The following SPIDR variants were observed in gnomAD, a reference collection of about 807,000 sequenced individuals.
SPIDR encodes the protein DNA repair-scaffolding protein.
In SPIDR, 93 loss-of-function variants were observed where a neutral mutation model predicts 104.6. The ratio of observed to expected loss-of-function variants is 0.89; its 90% CI spans 0.75 to 1.06. SPIDR has a LOEUF of 1.06. SPIDR is among the 50% of genes least tolerant of loss of function. The pLI, the probability that SPIDR is intolerant of heterozygous loss-of-function variation, is 0.00. For synonymous variants in SPIDR, 431 were observed against 416.9 expected (o/e 1.03, Z -0.41); for missense variants, 1,154 against 1,111.2 (o/e 1.04, Z -0.55).
At chr8:47,405,130 C>T (rs1047529884) in intron 6 of SPIDR, among the ~76,000 whole-genome samples, 1 of 151,970 alleles carries the variant, frequency 6.6e-6, no homozygotes, top group Non-Finnish European at 1.5e-5. Context: ...CGCATGTTCT[C>T]ACTCATATGT....
At chr8:47,678,974 C>A (rs766157256) in intron 11 of SPIDR, among the ~76,000 whole-genome samples, 2 of 152,150 alleles carry the variant, frequency 1.3e-5, no homozygotes, top group Non-Finnish European at 2.9e-5. Flanking sequence ...AGCCCACTGC[C>A]CTGCTAGCCT....
At chr8:47,343,283 CT>C (rs1554615193) in intron 5 of SPIDR, among the ~76,000 whole-genome samples, 1 of 152,072 alleles carries the variant, frequency 6.6e-6, no homozygotes, top group Non-Finnish European at 1.5e-5. Flanking sequence ...GAAAGCTGGA[CT>C]TTTGTGTTAG....
intron 8 of SPIDR, among the ~76,000 whole-genome samples, chr8:47,545,537 A>G (rs1229818840): frequency 6.6e-6 from 1 of 151,936 alleles, no homozygotes; most frequent in Non-Finnish European, 1.5e-5. Flanking sequence ...TTTTTTGTAG[A>G]TTCTTTCATA....
chr8:47,480,481 A>G (rs1412585236), intron 8 of SPIDR, among the ~76,000 whole-genome samples: 3 of 152,234 alleles, frequency 2.0e-5, no homozygotes, highest in Admixed American at 2.0e-4. Context: ...TCTGTACTTG[A>G]AACTTTCCAG....
intron 8 of SPIDR, among the ~76,000 whole-genome samples, chr8:47,586,086 A>C (rs1164978606): frequency 2.0e-5 from 3 of 152,226 alleles, no homozygotes; most frequent in Non-Finnish European, 4.4e-5. Flanking sequence ...TTTATTGCTG[A>C]ATAGTATTCC....
intron 11 of SPIDR, among the ~76,000 whole-genome samples, chr8:47,676,483 T>C (rs1346848238): frequency 6.6e-6 from 1 of 151,974 alleles, no homozygotes; most frequent in Non-Finnish European, 1.5e-5. Flanking sequence ...AGTGACATCA[T>C]CCATCCATGG....
At chr8:47,516,772 C>T (rs1352366693) in intron 8 of SPIDR, among the ~76,000 whole-genome samples, 1 of 151,998 alleles carries the variant, frequency 6.6e-6, no homozygotes, top group Non-Finnish European at 1.5e-5. Flanking sequence ...AGTTTCTGCT[C>T]TCAATTTTTT....
chr8:47,530,971 C>T (rs980594489), intron 8 of SPIDR, among the ~76,000 whole-genome samples: 1 of 151,610 alleles, frequency 6.6e-6, no homozygotes, highest in Non-Finnish European at 1.5e-5. Context: ...AGTGCAGTGG[C>T]GCAGTCATGG....
At chr8:47,589,528 AC>A (rs2060737251) in intron 8 of SPIDR, among the ~76,000 whole-genome samples, 1 of 151,234 alleles carries the variant, frequency 6.6e-6, no homozygotes, top group African/African-American at 2.5e-5. Flanking sequence ...CCATCTCAAA[AC>A]AAAAAAAAAA....
At chr8:47,658,608 T>C (rs1170163520) in intron 10 of SPIDR, among the ~76,000 whole-genome samples, 3 of 151,570 alleles carry the variant, frequency 2.0e-5, no homozygotes, top group Admixed American at 6.6e-5. Context: ...GCACAATGTT[T>C]TTCTACAATA....
intron 8 of SPIDR, among the ~76,000 whole-genome samples, chr8:47,479,121 G>A (rs1441085492): frequency 1.3e-5 from 2 of 152,282 alleles, no homozygotes; most frequent in East Asian, 3.9e-4. Context: ...AACACTGAGA[G>A]ACTGAGGCAG....
intron 1 of SPIDR, among the ~76,000 whole-genome samples, chr8:47,277,364 T>C (rs2036711260): frequency 7.7e-6 from 1 of 130,422 alleles, no homozygotes; most frequent in Non-Finnish European, 1.7e-5. Context: ...TGTTATGTTA[T>C]GTTATGTTAT....
chr8:47,591,680 G>A (rs558812410), intron 8 of SPIDR, among the ~76,000 whole-genome samples: 1 of 152,158 alleles, frequency 6.6e-6, no homozygotes, highest in Non-Finnish European at 1.5e-5. Context: ...GACTTGGCTA[G>A]AGAGCATATT....
At chr8:47,515,774 G>C (rs1468592668) in intron 8 of SPIDR, among the ~76,000 whole-genome samples, 1 of 151,840 alleles carries the variant, frequency 6.6e-6, no homozygotes, top group Non-Finnish European at 1.5e-5. Flanking sequence ...CATTTCCTCT[G>C]TAAGCTTTTG....
At chr8:47,319,278 A>C (rs1479201731) in intron 5 of SPIDR, among the ~76,000 whole-genome samples, 1 of 152,206 alleles carries the variant, frequency 6.6e-6, no homozygotes, top group East Asian at 1.9e-4. Flanking sequence ...AAACAAAAAA[A>C]GGCAGGGGTT....
chr8:47,609,744 C>A (rs1239347449), intron 10 of SPIDR, among the ~76,000 whole-genome samples: 1 of 152,116 alleles, frequency 6.6e-6, no homozygotes, highest in Non-Finnish European at 1.5e-5. Flanking sequence ...TCTTTAAACA[C>A]TTGATAATAC....
chr8:47,572,915 A>G (rs1259326093), intron 8 of SPIDR, among the ~76,000 whole-genome samples: 2 of 152,168 alleles, frequency 1.3e-5, no homozygotes, highest in African/African-American at 4.8e-5. Flanking sequence ...AGCCCAGTGC[A>G]GGAAGAGAAG....
intron 6 of SPIDR, among the ~76,000 whole-genome samples, chr8:47,406,422 A>G (rs1554667316): frequency 6.6e-6 from 1 of 152,168 alleles, no homozygotes; most frequent in Non-Finnish European, 1.5e-5. Context: ...GGGAAGCATA[A>G]ACGAGTTACT....
chr8:47,530,269 A>T (rs1587250907), intron 8 of SPIDR, among the ~76,000 whole-genome samples: 1 of 152,144 alleles, frequency 6.6e-6, no homozygotes, highest in African/African-American at 2.4e-5. Context: ...GGAGTTCCAG[A>T]CCAGCCTGGC....
Sources: allele counts gnomAD v4.1 joint callset (sites outside exome capture counted in the v4.1 genomes callset), GRCh38; gene constraint gnomAD v4.1.1; transcripts MANE v1.5; gene names NCBI Gene and HGNC (gene_info 2026-07-23, HGNC 2026-07-21).